Variants in STAB2 observed in about 807,000 individuals in gnomAD.
STAB2 encodes stabilin-2.
In STAB2, 288 loss-of-function variants were observed where a neutral mutation model predicts 338.1. The observed-to-expected ratio is 0.85, with a 90% CI of 0.77 to 0.94. STAB2 has a LOEUF of 0.94. Among genes scored for constraint, STAB2 ranks in the 40% least tolerant of loss-of-function variants. The pLI is 0.00. For synonymous variants in STAB2, 1,202 were observed against 1,193.3 expected (o/e 1.01, Z -0.15); for missense variants, 3,141 against 3,210.1 (o/e 0.98, Z 0.52).
chr12:103,733,211 C>T (rs752727999), intron 51 of STAB2, 29 bp downstream of exon 51: 2 of 1,607,758 alleles, frequency 1.2e-6, no homozygotes, highest in East Asian at 4.5e-5. Context: ...GACATAAGTG[C>T]AAGAATGTCC....
chr12:103,740,693 C>T lies in STAB2; in HGVS notation c.5818C>T (p.Arg1940Trp), dbSNP rs778649361. Residue 1940 changes from arginine to tryptophan, a missense_variant, in exon 55 of 69, where the codon CGG (arginine) becomes TGG (tryptophan). Transcript: ENST00000388887. ...GAGGAACCTGGAAGGCTGCCGGGAG[C>T]GGTGCAGCCTGGTGATACAGATCCC... ...FKRNLEGCRE[R>W]CSLVIQIPRC... 1.3e-5 allele frequency: 21 copies of T among 1,610,622 alleles called. No individual in the cohort carries two copies. The highest frequency in any genetic ancestry group is 8.4e-5 in the Admixed American group (5 of 59,264).
intron 25 of STAB2, among the ~76,000 whole-genome samples, chr12:103,682,863 G>T (rs1055545435): frequency 1.3e-5 from 2 of 152,122 alleles, no homozygotes; most frequent in African/African-American, 4.8e-5. Context: ...CAGGAGAATC[G>T]CTTGAACCTG....
chr12:103,594,542 T>C, intron 3 of STAB2, 32 bp downstream of exon 3: 1 of 1,503,576 alleles, frequency 6.7e-7, no homozygotes, highest in Non-Finnish European at 9.3e-7. Context: ...CTTTGAGACT[T>C]GCTTCTTGGT....
intron 9 of STAB2, among the ~76,000 whole-genome samples, chr12:103,644,355 C>A (rs1249294024): frequency 3.3e-5 from 5 of 149,774 alleles, no homozygotes; most frequent in Non-Finnish European, 6.0e-5. Flanking sequence ...AGAGTCATCA[C>A]CACTCCCTAA....
chr12:103,667,418 G>T, intron 19 of STAB2, among the ~76,000 whole-genome samples: 1 of 152,132 alleles, frequency 6.6e-6, no homozygotes, highest in East Asian at 1.9e-4. Flanking sequence ...TATGATTAGG[G>T]CACTAAGGCA....
chr12:103,766,226 G>C, intron 68 of STAB2, 60 bp from the exon 69 acceptor site: 1 of 1,608,522 alleles, frequency 6.2e-7, no homozygotes, highest in Non-Finnish European at 8.5e-7. Flanking sequence ...CCACCAGAAA[G>C]ATTCAACTAG....
At chr12:103,631,735 A>C (rs1164272457) in intron 6 of STAB2, 42 bp downstream of exon 6, 1 of 1,585,388 alleles carries the variant, frequency 6.3e-7, no homozygotes, top group South Asian at 1.1e-5. Context: ...CAGATCAAAC[A>C]GGCACAAATG....
At chr12:103,691,166 C>T (rs1054569028) in intron 30 of STAB2, among the ~76,000 whole-genome samples, 3 of 152,280 alleles carry the variant, frequency 2.0e-5, no homozygotes, top group East Asian at 3.9e-4. Flanking sequence ...GGAGTCTGGC[C>T]GCCCTGCTGC....
intron 18 of STAB2, among the ~76,000 whole-genome samples, chr12:103,664,288 T>C (rs1874885369): frequency 6.6e-6 from 1 of 152,022 alleles, no homozygotes; most frequent in Admixed American, 6.6e-5. Context: ...GGACTACAGG[T>C]GCCCTCCACC....
At position 103,618,176 on chromosome 12, in the gene STAB2, C is replaced by G. The variant is rs190939166; in HGVS notation, c.332-2292C>G. On this transcript the variant is annotated intron_variant, in intron 3 of 68. Coordinates refer to ENST00000388887, the MANE Select transcript of STAB2 (RefSeq NM_017564.10). The stretch of plus-strand genomic sequence containing the variant: ...AAATTCATATGTTCATACCTAATCC[C>G]CAATGTGATTGTATTAAAAGGTAAA... 5.3e-5 allele frequency among the ~76,000 whole-genome samples: 8 copies of G among 152,272 alleles called. No homozygotes were observed. The East Asian group carries it at 1.5e-3, about 29-fold the overall frequency.
chr12:103,742,207 C>G (rs1882639372), intron 55 of STAB2, among the ~76,000 whole-genome samples, 198 bp from the exon 56 acceptor site: 1 of 152,132 alleles, frequency 6.6e-6, no homozygotes. Flanking sequence ...AGTGTATCAC[C>G]CTGCCAAGAC....
chr12:103,691,375 T>G (rs1383654853), intron 30 of STAB2, among the ~76,000 whole-genome samples: 1 of 152,228 alleles, frequency 6.6e-6, no homozygotes, highest in Non-Finnish European at 1.5e-5. Context: ...AATACCTACA[T>G]ATATGTGACT....
Position 103,609,049 on chromosome 12 carries a change from G to A in STAB2, c.332-11419G>A, listed in dbSNP as rs1207812526. Among the ~76,000 whole-genome samples the A allele has an allele frequency of 5.9e-5, 9 of 152,160 alleles. No individual in the cohort carries two copies. The South Asian group carries it at 1.2e-3, about 21-fold the overall frequency. On this transcript the variant is annotated intron_variant, in intron 3 of 68. Transcript: ENST00000388887. ...CTGTTCTGTTCCAATGGTCTATATC[G>A]CTGTTTTGGTACCAGTACCATGCTG...
chr12:103,704,584 G>C lies in STAB2; in HGVS notation c.3870G>C (p.Glu1290Asp), dbSNP rs1205155088. ...GAAGATGTAGGACATGCTCCTCAGA[G>C]CTGACCTGCCCATTCGGAACTAAAT... is the stretch of plus-strand genomic sequence containing the variant. ...IRGRCRTCSS[E>D]LTCPFGTKSL... is the part of the protein sequence containing the mutation. The change falls in exon 36 of 69, where the codon GAG becomes GAC. Residue 1290 changes from glutamate (E) to aspartate (D), a missense_variant. Transcript: ENST00000388887. The C allele has an allele frequency of 6.2e-7, 1 of 1,613,768 alleles. No homozygotes were observed. The highest frequency in any genetic ancestry group is 8.5e-7 in the Non-Finnish European group (1 of 1,179,902).
rs575633208 is a variant in STAB2 at position 103,742,494 on chromosome 12, G to A, written c.5971G>A (p.Gly1991Ser). The change falls in exon 56 of 69, where the codon GGC becomes AGC. Residue 1991 changes from glycine to serine, a missense_variant. Coordinates refer to ENST00000388887, the MANE Select transcript of STAB2 (RefSeq NM_017564.10). ...CACCGGAGAGTGTAAATGCAACACCGGCTTCAATGGGACGGCGTGTGAGAT... is the reference window on the plus strand; with the variant it reads ...CACCGGAGAGTGTAAATGCAACACCAGCTTCAATGGGACGGCGTGTGAGAT... ...SATGECKCNT[G>S]FNGTACEMCW... 1.4e-5 allele frequency: 22 copies of A among 1,614,140 alleles called. 1 individual carries two copies. The highest frequency in any genetic ancestry group is 1.3e-4 in the Admixed American group (8 of 60,012).
Position 103,669,596 on chromosome 12 carries a change from G to A in STAB2, c.2228G>A (p.Gly743Asp), listed in dbSNP as rs1458827799. ...YGPDCNQCPG[G>D]FSNPCSGNGQ... is the part of the protein sequence containing the mutation. ...CCTGACTGCAACCAGTGTCCAGGAGGCTTCTCAAATCCATGCTCAGGAAAT... is the reference window on the plus strand; with the variant it reads ...CCTGACTGCAACCAGTGTCCAGGAGACTTCTCAAATCCATGCTCAGGAAAT... Residue 743 changes from glycine (G) to aspartate (D), a missense_variant, in exon 21 of 69, where the codon GGC becomes GAC. Physicochemically the swap from Gly to Asp is moderately conservative, Grantham distance 94. Coordinates refer to ENST00000388887, the MANE Select transcript of STAB2 (RefSeq NM_017564.10). The A allele has an allele frequency of 6.2e-7, 1 of 1,614,192 alleles. No homozygotes were observed.
intron 44 of STAB2, among the ~76,000 whole-genome samples, chr12:103,721,592 G>A (rs1369469072): frequency 6.6e-6 from 1 of 152,186 alleles, no homozygotes; most frequent in African/African-American, 2.4e-5. Flanking sequence ...TGCAGGATAG[G>A]GGTTCTAAAG....
In STAB2 at chr12:103,749,162, T is replaced by A. The variant is rs200682783; in HGVS notation, c.6438+6T>A. ...CCTGTAAGATGACAGGCCCGGTGAG[T>A]CGCTCTTTCCCAGGGAAATTTGGGA... On this transcript the variant is annotated splice_donor_region_variant and intron_variant, in intron 59 of 68. Transcript: ENST00000388887. 7.3e-5 allele frequency: 116 copies of A among 1,588,996 alleles called. No individual in the cohort carries two copies. Among genetic ancestry groups the A allele is most frequent in the Middle Eastern group, 1.7e-4 (1 of 5,852 alleles).
At position 103,725,214 on chromosome 12, in the gene STAB2, GCAATTTTA is replaced by G. The variant is rs1337700445; in HGVS notation, c.4803+123_4803+130del. 37 of 1,443,770 alleles carry G rather than the reference GCAATTTTA, an allele frequency of 2.6e-5. No homozygotes were observed. In the East Asian group the frequency reaches 8.6e-4, roughly 34 times the overall value. 89.4% of individuals were successfully genotyped at this position (1,443,770 alleles called of 1,614,324 possible). ...GTAAAGCGCTATAAAAATATGAAAG[GCAATTTTA>G]CATAAATCAGCAATGAAAAGAAATT... On this transcript the variant is annotated intron_variant, in intron 45 of 68. Transcript: ENST00000388887.
Sources: gnomAD v4.1 joint callset for allele counts (sites outside exome capture counted in the v4.1 genomes callset) on GRCh38, gnomAD v4.1.1 for gene constraint, MANE v1.5 for transcripts, NCBI Gene and HGNC (gene_info 2026-07-23, HGNC 2026-07-21) for gene names.